The following NTNG1 variants were observed in gnomAD, a reference collection of about 807,000 sequenced individuals.
The protein encoded by NTNG1 is netrin-G1.
In NTNG1, 16 loss-of-function variants were observed where a neutral mutation model predicts 54.0. The ratio of observed to expected loss-of-function variants is 0.30; its 90% CI spans 0.20 to 0.45. The LOEUF (loss-of-function observed/expected upper bound fraction) is 0.45, where lower values mean the gene tolerates loss of function less well. NTNG1 is among the 20% of genes least tolerant of loss of function. The probability of loss-of-function intolerance (pLI) is 1.00; values close to 1 mark genes in which losing one functional copy is unlikely to be tolerated. For synonymous variants in NTNG1, 255 were observed against 263.1 expected, an observed-to-expected ratio of 0.97 and a Z score of 0.30; for missense variants, 530 against 678.7, an observed-to-expected ratio of 0.78 and a Z score of 2.43.
chr1:107,472,966 G>A (rs116820277), intron 7 of NTNG1, among the ~76,000 whole-genome samples: 11 of 152,222 alleles, frequency 7.2e-5, no homozygotes, highest in East Asian at 1.9e-4. Context: ...ACACAGTCTC[G>A]AATGCCTAAA....
intron 3 of NTNG1, among the ~76,000 whole-genome samples, chr1:107,355,798 C>T (rs967685470): frequency 1.3e-5 from 2 of 152,080 alleles, no homozygotes; most frequent in Non-Finnish European, 2.9e-5. Flanking sequence ...TTTCACAATA[C>T]AAGTCCAACC....
At chr1:107,154,165 G>T (rs1428114353) in intron 2 of NTNG1, among the ~76,000 whole-genome samples, 1 of 152,090 alleles carries the variant, frequency 6.6e-6, no homozygotes, top group Non-Finnish European at 1.5e-5. Flanking sequence ...GAGGGTAGAA[G>T]AATAGAGAAA....
At chr1:107,237,657 T>C (rs539526822) in intron 2 of NTNG1, among the ~76,000 whole-genome samples, 2 of 152,242 alleles carry the variant, frequency 1.3e-5, no homozygotes, top group East Asian at 3.9e-4. Flanking sequence ...TGCCCTGTGT[T>C]CCAGCTACCC....
At chr1:107,427,253 A>G (rs193129527) in intron 5 of NTNG1, among the ~76,000 whole-genome samples, 3 of 152,180 alleles carry the variant, frequency 2.0e-5, no homozygotes, top group African/African-American at 7.2e-5. Flanking sequence ...TGGGATCAAG[A>G]TTTCCTTATA....
chr1:107,174,876 T>C (rs1488061636), intron 2 of NTNG1, among the ~76,000 whole-genome samples: 1 of 152,054 alleles, frequency 6.6e-6, no homozygotes, highest in East Asian at 1.9e-4. Flanking sequence ...TAACAGATAC[T>C]TCACTAATAA....
chr1:107,256,941 T>C (rs1379316830), intron 2 of NTNG1, among the ~76,000 whole-genome samples: 1 of 152,194 alleles, frequency 6.6e-6, no homozygotes, highest in Non-Finnish European at 1.5e-5. Context: ...CAAACTGAGT[T>C]GGCTTCCATT....
intron 2 of NTNG1, among the ~76,000 whole-genome samples, chr1:107,177,651 A>G (rs1656746476): frequency 6.6e-6 from 1 of 152,164 alleles, no homozygotes; most frequent in South Asian, 2.1e-4. Context: ...CAACTTTTAA[A>G]GAACTGTTGC....
intron 2 of NTNG1, among the ~76,000 whole-genome samples, chr1:107,285,905 G>A (rs1008170572): frequency 6.6e-6 from 1 of 152,040 alleles, no homozygotes; most frequent in Non-Finnish European, 1.5e-5. Context: ...ATCTTGATGT[G>A]TGACACTCGC....
intron 2 of NTNG1, among the ~76,000 whole-genome samples, chr1:107,306,017 C>T (rs189998389): frequency 1.3e-5 from 2 of 152,146 alleles, no homozygotes; most frequent in Admixed American, 1.3e-4. Context: ...CTCATTGGTG[C>T]TAAAGGCAAA....
intron 5 of NTNG1, among the ~76,000 whole-genome samples, chr1:107,429,528 T>C (rs1025679330): frequency 2.0e-5 from 3 of 152,276 alleles, no homozygotes; most frequent in Admixed American, 2.0e-4. Context: ...TAAAAATATT[T>C]ATTGAATGAA....
chr1:107,371,920 A>T (rs1160690109), intron 3 of NTNG1, among the ~76,000 whole-genome samples: 1 of 152,000 alleles, frequency 6.6e-6, no homozygotes, highest in East Asian at 1.9e-4. Context: ...CCTAATATGA[A>T]ATCCAAAATA....
intron 2 of NTNG1, among the ~76,000 whole-genome samples, chr1:107,189,101 C>T (rs1271934881): frequency 6.6e-6 from 1 of 151,928 alleles, no homozygotes; most frequent in Admixed American, 6.6e-5. Flanking sequence ...CCTGTAATCC[C>T]AGCACTTTGG....
chr1:107,354,468 C>CAAAA lies in NTNG1; in HGVS notation c.887+29567_887+29570dup, dbSNP rs398049560. Reference sequence around the variant, plus strand: ...TGGACGACAAACTGAGACTCCATCTCAAAAAAAAAAAAAAAAAAAAAAAAG... The same window carrying CAAAA: ...TGGACGACAAACTGAGACTCCATCTCAAAAAAAAAAAAAAAAAAAAAAAAAAAAG... On this transcript the variant is annotated intron_variant, in intron 3 of 7. Coordinates refer to ENST00000370068, the MANE Select transcript of NTNG1 (RefSeq NM_001113226.3). 3.9e-4 allele frequency among the ~76,000 whole-genome samples: 26 copies of CAAAA among 66,104 alleles called. 1 individual carries two copies. The East Asian group carries it at 7.1e-3, about 18-fold the overall frequency. The allele number at this position is 66,104 out of a possible 152,430, so 43.4% of individuals were successfully genotyped here. A position where few individuals can be genotyped will look rare whatever the true frequency, so the allele number is the denominator to read the frequency against.
chr1:107,200,683 C>G (rs1231268688), intron 2 of NTNG1, among the ~76,000 whole-genome samples: 2 of 151,822 alleles, frequency 1.3e-5, no homozygotes, highest in Non-Finnish European at 2.9e-5. Context: ...ATATAGTTCT[C>G]TCATTTTCAC....
chr1:107,326,303 TC>T (rs1216030249), intron 3 of NTNG1, among the ~76,000 whole-genome samples: 1 of 152,134 alleles, frequency 6.6e-6, no homozygotes, highest in Non-Finnish European at 1.5e-5. Flanking sequence ...AACGAATATA[TC>T]TTTAAAGCAG....
intron 7 of NTNG1, among the ~76,000 whole-genome samples, chr1:107,470,727 C>T (rs2101581892): frequency 6.6e-6 from 1 of 152,166 alleles, no homozygotes; most frequent in East Asian, 1.9e-4. Context: ...TTTCTGATAC[C>T]TGATGAGAAA....
chr1:107,214,746 C>T lies in NTNG1; in HGVS notation c.246+65907C>T, dbSNP rs556847572. Among the ~76,000 whole-genome samples the T allele has an allele frequency of 2.9e-3, 440 of 151,898 alleles. 1 individual carries two copies. Among genetic ancestry groups the T allele is most frequent in the Non-Finnish European group, 4.9e-3 (332 of 67,964 alleles). ...GTGGTTGTACTAGTTTACATTCCCA[C>T]CAGCAGCGTAAAAGTGTTTCCTTTT... On this transcript the variant is annotated intron_variant, in intron 2 of 7. Coordinates refer to ENST00000370068, the MANE Select transcript of NTNG1 (RefSeq NM_001113226.3).
chr1:107,305,941 A>T (rs4540682), intron 2 of NTNG1, among the ~76,000 whole-genome samples: 1 of 152,132 alleles, frequency 6.6e-6, no homozygotes. Flanking sequence ...AATTTACTTA[A>T]CTATTTATTT....
intron 3 of NTNG1, among the ~76,000 whole-genome samples, chr1:107,378,059 T>C (rs375971514): frequency 6.6e-6 from 1 of 152,236 alleles, no homozygotes; most frequent in Non-Finnish European, 1.5e-5. Flanking sequence ...TTTTACCAAA[T>C]AAATGTCCCT....
Sources: allele counts gnomAD v4.1 joint callset (sites outside exome capture counted in the v4.1 genomes callset), GRCh38; gene constraint gnomAD v4.1.1; transcripts MANE v1.5; gene names NCBI Gene and HGNC (gene_info 2026-07-23, HGNC 2026-07-21).